GOLGA5: variants seen among roughly 807,000 people sequenced by gnomAD.
GOLGA5 encodes golgin A5.
Under a neutral mutation model 93.5 loss-of-function variants are expected in GOLGA5, and 50 were observed. The ratio of observed to expected loss-of-function variants is 0.53; its 90% CI spans 0.43 to 0.68. The LOEUF is 0.68. Among genes scored for constraint, GOLGA5 ranks in the 30% least tolerant of loss-of-function variants. The pLI, the probability that GOLGA5 is intolerant of heterozygous loss-of-function variation, is 0.00. For missense variants in GOLGA5, 760 were observed against 856.4 expected (o/e 0.89, Z 1.40); for synonymous variants, 312 against 304.5 (o/e 1.02, Z -0.26).
At chr14:92,798,009 T>C (rs1884775919) in intron 2 of GOLGA5, 28 bp downstream of exon 2, 5 of 1,412,736 alleles carry the variant, frequency 3.5e-6, no homozygotes, top group Non-Finnish European at 4.8e-6. Context: ...TTATTTCTTT[T>C]AGAGTTAAGC....
In GOLGA5 at chr14:92,819,851, T is replaced by C. The variant is rs1191519917; in HGVS notation, c.1620+15T>C. 3.1e-6 allele frequency: 5 copies of C among 1,612,030 alleles called. No individual in the cohort carries two copies. The Admixed American group carries it at 5.0e-5, about 16-fold the overall frequency. On this transcript the variant is annotated intron_variant, in intron 8 of 12. Coordinates refer to ENST00000163416, the MANE Select transcript of GOLGA5 (RefSeq NM_005113.4). ...GACTGAAGCAGGTCAGGATTTGAGA[T>C]TGATGACTTCTGAGACTCTGTCCTC...
At chr14:92,813,999 G>A (rs562314082) in intron 6 of GOLGA5, among the ~76,000 whole-genome samples, 2 of 152,152 alleles carry the variant, frequency 1.3e-5, no homozygotes, top group South Asian at 4.2e-4. Flanking sequence ...GTGTATGAAT[G>A]ATGTTTCCTT....
chr14:92,815,657 C>CA (rs1018160277), intron 6 of GOLGA5, among the ~76,000 whole-genome samples: 3 of 150,976 alleles, frequency 2.0e-5, no homozygotes, highest in Admixed American at 6.6e-5. Flanking sequence ...GGCAACATAG[C>CA]AAGACCGTAT....
chr14:92,796,065 G>A (rs115698825), intron 1 of GOLGA5, among the ~76,000 whole-genome samples: 2,686 of 152,346 alleles, frequency 0.018, 72 homozygotes, highest in African/African-American at 0.058. Context: ...TTAGCTTAAT[G>A]TGCACATGGT....
At chr14:92,836,916 A>T (rs1885653308) in intron 11 of GOLGA5, among the ~76,000 whole-genome samples, 1 of 152,018 alleles carries the variant, frequency 6.6e-6, no homozygotes, top group African/African-American at 2.4e-5. Flanking sequence ...AATACAAAAA[A>T]ATTAGCCAGG....
At chr14:92,814,272 A>T (rs139089362) in intron 6 of GOLGA5, among the ~76,000 whole-genome samples, 280 of 152,300 alleles carry the variant, frequency 1.8e-3, no homozygotes, top group Non-Finnish European at 3.3e-3. Flanking sequence ...AAAAATACTG[A>T]GAAGGTGAGT....
At chr14:92,836,885 C>T (rs1395736907) in intron 11 of GOLGA5, among the ~76,000 whole-genome samples, 2 of 151,984 alleles carry the variant, frequency 1.3e-5, no homozygotes, top group Admixed American at 1.3e-4. Context: ...GCCAACATGG[C>T]GAAACCCCGT....
rs981549401 is a variant in GOLGA5 at position 92,811,531 on chromosome 14, G to T, written c.1117-20G>T. On this transcript the variant is annotated intron_variant, in intron 5 of 12. Transcript: ENST00000163416. Reference sequence around the variant, plus strand: ...AAAGCTAAATGATATCATTAATTATGATATAAAAATTTGTCACAGAGCGAG... The same window carrying T: ...AAAGCTAAATGATATCATTAATTATTATATAAAAATTTGTCACAGAGCGAG... 1.4e-6 allele frequency: 2 copies of T among 1,462,150 alleles called. No homozygotes were observed. The highest frequency in any genetic ancestry group is 1.7e-5 in the Admixed American group (1 of 59,662). 90.6% of individuals were successfully genotyped at this position (1,462,150 alleles called of 1,614,324 possible). A position where few individuals can be genotyped will look rare whatever the true frequency, so the allele number is the denominator to read the frequency against.
chr14:92,834,691 G>A (rs1399579550), intron 10 of GOLGA5, among the ~76,000 whole-genome samples: 2 of 152,054 alleles, frequency 1.3e-5, no homozygotes, highest in Non-Finnish European at 2.9e-5. Flanking sequence ...AGGCCTGTAT[G>A]GGGACTTTTA....
chr14:92,833,201 A>T lies in GOLGA5; in HGVS notation c.1799A>T (p.Gln600Leu). 2 of 1,613,736 alleles carry T rather than the reference A, an allele frequency of 1.2e-6. No homozygotes were observed. Among genetic ancestry groups the T allele is most frequent in the South Asian group, 2.2e-5 (2 of 91,074 alleles). ...RLHQLTETLI[Q>L]KQTMLESLST... ...CATCAGCTAACAGAGACTCTCATCC[A>T]GAAACAGACCATGCTGGAGAGTCTC... The change falls in exon 10 of 13, where the codon CAG becomes CTG. Residue 600 changes from glutamine (Q) to leucine (L), a missense_variant. Physicochemically the swap from Gln to Leu is moderately radical, Grantham distance 113 (BLOSUM62 -2). Transcript: ENST00000163416.
Position 92,816,291 on chromosome 14 carries a change from G to T in GOLGA5, c.1361G>T (p.Gly454Val), listed in dbSNP as rs1387927846. 1.2e-6 allele frequency: 2 copies of T among 1,613,750 alleles called. No homozygotes were observed. Among genetic ancestry groups the T allele is most frequent in the African/African-American group, 2.7e-5 (2 of 74,894 alleles). ...ATTAACAGCTTGAAAGAAGGCTCTG[G>T]TTTTGAAGGCCTAGATAGCAGCACT... ...KLINSLKEGS[G>V]FEGLDSSTAS... The change falls in exon 7 of 13, where the codon GGT (glycine) becomes GTT (valine). Residue 454 changes from glycine to valine, a missense_variant. By Grantham distance (109) the Gly-to-Val change is moderately radical. Coordinates refer to ENST00000163416, the MANE Select transcript of GOLGA5 (RefSeq NM_005113.4).
chr14:92,829,341 A>G lies in GOLGA5; in HGVS notation c.1720-3781A>G, dbSNP rs77200531. The stretch of plus-strand genomic sequence containing the variant: ...TTAGTTGGATCTTGAGGCACAGTCA[A>G]TTGAGAACCTTCTGGAAAAGATTCA... On this transcript the variant is annotated intron_variant, in intron 9 of 12. Transcript: ENST00000163416. Among the ~76,000 whole-genome samples, 330 of 152,190 alleles carry G rather than the reference A, an allele frequency of 2.2e-3. 2 individuals carry two copies. The highest frequency in any genetic ancestry group is 7.2e-3 in the African/African-American group (301 of 41,536).
intron 2 of GOLGA5, among the ~76,000 whole-genome samples, chr14:92,799,841 A>G (rs1434227013): frequency 1.4e-5 from 2 of 148,132 alleles, no homozygotes; most frequent in East Asian, 4.1e-4. Context: ...TCCGGACCTC[A>G]AGTCATCTGC....
intron 2 of GOLGA5, among the ~76,000 whole-genome samples, chr14:92,803,350 A>G (rs1009764878): frequency 6.6e-6 from 1 of 152,190 alleles, no homozygotes; most frequent in African/African-American, 2.4e-5. Flanking sequence ...CATTTATTTT[A>G]TAAGCGAAAT....
intron 1 of GOLGA5, among the ~76,000 whole-genome samples, chr14:92,796,976 C>CAAA (rs71123379): frequency 6.1e-4 from 45 of 73,622 alleles, no homozygotes; most frequent in East Asian, 7.9e-4. Flanking sequence ...GACTCCGTCT[C>CAAA]AAAAAAAAAA....
chr14:92,816,554 T>TTCCTCC, intron 7 of GOLGA5, 133 bp downstream of exon 7: 2 of 668,112 alleles, frequency 3.0e-6, no homozygotes, highest in South Asian at 3.9e-5. Flanking sequence ...TTCTCTTCTC[T>TTCCTCC]TCCTCCTCCT....
At chr14:92,839,281 C>A in intron 12 of GOLGA5, 85 bp from the exon 13 acceptor site, 1 of 804,544 alleles carries the variant, frequency 1.2e-6, no homozygotes, top group Non-Finnish European at 2.2e-6. Context: ...GCAGGTAAGA[C>A]ACAGTGCCTG....
intron 2 of GOLGA5, among the ~76,000 whole-genome samples, chr14:92,802,999 T>G (rs1000442117): frequency 1.3e-5 from 2 of 151,992 alleles, no homozygotes; most frequent in African/African-American, 4.8e-5. Flanking sequence ...CCCTTTAGGA[T>G]TTTTGCATTT....
intron 4 of GOLGA5, 32 bp downstream of exon 4, chr14:92,809,551 A>T (rs1566954825): frequency 7.4e-7 from 1 of 1,345,194 alleles, no homozygotes; most frequent in Non-Finnish European, 1.1e-6. Flanking sequence ...GAAAAAAATG[A>T]GCAAGTAATG....
Sources: allele counts gnomAD v4.1 joint callset (sites outside exome capture counted in the v4.1 genomes callset), GRCh38; gene constraint gnomAD v4.1.1; transcripts MANE v1.5; gene names NCBI Gene and HGNC (gene_info 2026-07-23, HGNC 2026-07-21).